Variants in PPP2R2C observed in about 807,000 individuals in gnomAD.
PPP2R2C encodes the protein protein phosphatase 2, regulatory subunit B, gamma.
PPP2R2C carries 10 observed loss-of-function variants against 45.3 expected under a neutral mutation model. That is an observed-to-expected ratio of 0.22 (90% CI 0.14 to 0.37). The LOEUF is 0.37. PPP2R2C is among the 10% of genes least tolerant of loss of function. The pLI is 1.00. For synonymous variants in PPP2R2C, 257 were observed against 245.4 expected, an observed-to-expected ratio of 1.05 and a Z score of -0.44; for missense variants, 308 against 619.7, an observed-to-expected ratio of 0.50 and a Z score of 5.34.
chr4:6,393,878 G>A (rs568535094), intron 1 of PPP2R2C, among the ~76,000 whole-genome samples: 160 of 152,338 alleles, frequency 1.1e-3, no homozygotes, highest in Non-Finnish European at 1.7e-3. Context: ...CTCAGAGCCA[G>A]GATGACACCC....
rs574212791 is a variant in PPP2R2C at position 6,378,117 on chromosome 4, G to A, written c.334+290C>T. 6.6e-6 allele frequency among the ~76,000 whole-genome samples: 1 copy of A among 152,250 alleles called. No homozygotes were observed. The highest frequency in any genetic ancestry group is 1.9e-4 in the East Asian group (1 of 5,154). On this transcript the variant is annotated intron_variant, in intron 3 of 8. Transcript: ENST00000382599. This position sits in a 1 kb window ranked among gnomAD's most constrained non-coding sequence, Gnocchi z 5.2. ...CGGATGGCTCTATTCACAGCAGGGG[G>A]CAGCCCTGTGTCTGGCCATGGGGAG...
chr4:6,327,666 G>T (rs536958948), intron 8 of PPP2R2C, among the ~76,000 whole-genome samples: 130 of 152,318 alleles, frequency 8.5e-4, no homozygotes, highest in African/African-American at 3.0e-3. Context: ...GGGGTGTCTG[G>T]GATCTATCTG....
chr4:6,390,637 C>T (rs528102257), intron 1 of PPP2R2C, among the ~76,000 whole-genome samples: 13 of 152,172 alleles, frequency 8.5e-5, no homozygotes, highest in African/African-American at 2.7e-4. Flanking sequence ...GACGGAAGGC[C>T]GTTGGGCTCT....
At chr4:6,446,958 G>A (rs574306545) in intron 1 of PPP2R2C, among the ~76,000 whole-genome samples, 29 of 152,180 alleles carry the variant, frequency 1.9e-4, no homozygotes, top group African/African-American at 7.0e-4. Context: ...AAGGGGTGCT[G>A]GGCTGATTCA....
chr4:6,389,059 G>A lies in PPP2R2C; in HGVS notation c.71-7965C>T, dbSNP rs561119003. ...CCCCTGCAGCTTTCATCAAAGCCGT[G>A]GTAATCCAGTCCCAGCCCCACTACT... On this transcript the variant is annotated intron_variant, in intron 1 of 8. Coordinates refer to ENST00000382599, the MANE Select transcript of PPP2R2C (RefSeq NM_020416.4). 3.4e-4 allele frequency among the ~76,000 whole-genome samples: 51 copies of A among 152,228 alleles called. No homozygotes were observed. The South Asian group carries it at 9.6e-3, about 29-fold the overall frequency.
intron 1 of PPP2R2C, among the ~76,000 whole-genome samples, chr4:6,548,595 G>A (rs977222501): frequency 2.0e-5 from 3 of 152,194 alleles, no homozygotes; most frequent in Admixed American, 2.0e-4. Context: ...AGCCAGTGTG[G>A]GCAGGTAGAG....
In PPP2R2C at chr4:6,542,764, C is replaced by T. The variant is rs189474522; in HGVS notation, c.-58-7387G>A. 4.0e-3 allele frequency among the ~76,000 whole-genome samples: 597 copies of T among 147,902 alleles called. 4 individuals are homozygous for T. The highest frequency in any genetic ancestry group is 0.014 in the African/African-American group (562 of 40,398). ...GATTACTGTGAAAACTTAGAAGAAA[C>T]AGATAAATTTCTAGAAAAATACAGC... On this transcript the variant is annotated intron_variant, in intron 1 of 9. Transcript: ENST00000506140.
In PPP2R2C at chr4:6,330,688, C is replaced by G. The variant is rs1732341171; in HGVS notation, c.961-1335G>C. Among the ~76,000 whole-genome samples, 1 of 152,226 alleles carries G rather than the reference C, an allele frequency of 6.6e-6. No individual in the cohort carries two copies. Among genetic ancestry groups the G allele is most frequent in the Non-Finnish European group, 1.5e-5 (1 of 68,044 alleles). Reference sequence around the variant, plus strand: ...TCAAATCTCCCTTCTTTCTCAGTCTCTATCCCCATCCTGTTGGTTCTGTTT... The same window carrying G: ...TCAAATCTCCCTTCTTTCTCAGTCTGTATCCCCATCCTGTTGGTTCTGTTT... On this transcript the variant is annotated intron_variant, in intron 7 of 8. Transcript: ENST00000382599. This position sits in a 1 kb window ranked among gnomAD's most constrained non-coding sequence, Gnocchi z 7.0.
chr4:6,374,330 C>T (rs1470268094), intron 4 of PPP2R2C, among the ~76,000 whole-genome samples: 1 of 152,168 alleles, frequency 6.6e-6, no homozygotes, highest in African/African-American at 2.4e-5. Context: ...TCCACCAAAC[C>T]AGAGCTCAAA....
intron 5 of PPP2R2C, chr4:6,350,236 C>T: frequency 3.0e-6 from 3 of 985,472 alleles, no homozygotes; most frequent in Non-Finnish European, 3.6e-6. Flanking sequence ...CCAGCGTCCA[C>T]CTGGCAGCCC....
rs976078565 is a variant in PPP2R2C at position 6,396,946 on chromosome 4, A to C, written c.71-15852T>G. ...GCACTGATGCGAGCCTACTCAAGCC[A>C]GGGCTGATTTCCATGCTACCCACAG... On this transcript the variant is annotated intron_variant, in intron 1 of 8. Transcript: ENST00000382599. Among the ~76,000 whole-genome samples the C allele has an allele frequency of 3.3e-5, 5 of 150,988 alleles. No homozygotes were observed. In the South Asian group the frequency reaches 6.3e-4, roughly 19 times the overall value.
chr4:6,374,445 C>T (rs1295347860), intron 4 of PPP2R2C, among the ~76,000 whole-genome samples: 1 of 152,118 alleles, frequency 6.6e-6, no homozygotes, highest in East Asian at 1.9e-4. Context: ...ACAGTCTAGT[C>T]AAGATGAGGG....
At chr4:6,346,070 G>A (rs1711883644) in intron 6 of PPP2R2C, among the ~76,000 whole-genome samples, 1 of 152,104 alleles carries the variant, frequency 6.6e-6, no homozygotes, top group Admixed American at 6.5e-5. Context: ...ACAAGGCAAA[G>A]CTCGACCTCC....
chr4:6,503,044 C>A (rs1473824695), intron 2 of PPP2R2C, among the ~76,000 whole-genome samples: 1 of 152,208 alleles, frequency 6.6e-6, no homozygotes, highest in Admixed American at 6.5e-5. Context: ...GTTCTCAACA[C>A]CTGTCCAGAG....
intron 7 of PPP2R2C, among the ~76,000 whole-genome samples, chr4:6,333,051 G>A (rs1732538735): frequency 6.6e-6 from 1 of 152,164 alleles, no homozygotes; most frequent in African/African-American, 2.4e-5. Flanking sequence ...AAATAATACT[G>A]TCCAAGAAGG....
chr4:6,424,578 CCAGG>C (rs1719179867), intron 1 of PPP2R2C, among the ~76,000 whole-genome samples: 1 of 152,174 alleles, frequency 6.6e-6, no homozygotes. Context: ...CCAGACCTCG[CCAGG>C]CAGTGTCGAT....
chr4:6,404,835 G>C (rs2109356274), intron 1 of PPP2R2C, among the ~76,000 whole-genome samples: 1 of 152,334 alleles, frequency 6.6e-6, no homozygotes, highest in South Asian at 2.1e-4. Context: ...GAGCAGGCGA[G>C]GGGGCTGCAT....
intron 1 of PPP2R2C, among the ~76,000 whole-genome samples, chr4:6,422,579 G>A (rs1482097504): frequency 6.6e-6 from 1 of 152,196 alleles, no homozygotes; most frequent in Non-Finnish European, 1.5e-5. Flanking sequence ...CAAGGTGTCA[G>A]CAGGATGGTT....
intron 1 of PPP2R2C, among the ~76,000 whole-genome samples, chr4:6,541,703 G>A (rs1051528975): frequency 6.6e-6 from 1 of 152,106 alleles, no homozygotes; most frequent in Non-Finnish European, 1.5e-5. Flanking sequence ...CTGCCATCAC[G>A]CTCAGCTAAT....
Sources: gnomAD v4.1 joint callset for allele counts (sites outside exome capture counted in the v4.1 genomes callset) on GRCh38, gnomAD v4.1.1 for gene constraint, Gnocchi (gnomAD v3.1) non-coding constraint, MANE v1.5 for transcripts, NCBI Gene and HGNC (gene_info 2026-07-23, HGNC 2026-07-21) for gene names.